The following BACE2 variants were observed in gnomAD, a reference collection of about 807,000 sequenced individuals.
BACE2 encodes the protein beta-secretase 2, also known as 56 kDa aspartic-like protease.
In BACE2, 17 loss-of-function variants were observed where a neutral mutation model predicts 46.2. That is an observed-to-expected ratio of 0.37 (90% CI 0.25 to 0.55). BACE2 has a LOEUF of 0.55. Ranked by LOEUF, BACE2 falls within the 20% of genes least tolerant of loss-of-function variation. The pLI is 0.82. For synonymous variants in BACE2, 277 were observed against 295.9 expected (o/e 0.94, Z 0.66); for missense variants, 595 against 698.1 (o/e 0.85, Z 1.66).
intron 7 of BACE2, among the ~76,000 whole-genome samples, chr21:41,251,518 G>A (rs991317837): frequency 3.3e-5 from 5 of 152,202 alleles, no homozygotes; most frequent in Non-Finnish European, 7.4e-5. Context: ...GAATAAAAGT[G>A]GGCTGGGTGC....
intron 1 of BACE2, among the ~76,000 whole-genome samples, chr21:41,204,206 G>T (rs1476998838): frequency 6.6e-6 from 1 of 152,024 alleles, no homozygotes; most frequent in African/African-American, 2.4e-5. Context: ...TTTTTGTTTT[G>T]TTTTTTGTTT....
intron 8 of BACE2, among the ~76,000 whole-genome samples, chr21:41,275,085 A>G (rs1274022110): frequency 6.6e-6 from 1 of 152,170 alleles, no homozygotes; most frequent in Non-Finnish European, 1.5e-5. Flanking sequence ...CTGGCATTCC[A>G]TGAAGCACAG....
intron 1 of BACE2, among the ~76,000 whole-genome samples, chr21:41,200,202 C>CAA (rs112085931): frequency 5.5e-5 from 8 of 144,196 alleles, no homozygotes; most frequent in African/African-American, 2.0e-4. Context: ...AAAAAAAAAA[C>CAA]AAAAAAAAAA....
intron 2 of BACE2, among the ~76,000 whole-genome samples, chr21:41,234,619 T>G (rs753950593): frequency 3.9e-5 from 6 of 152,238 alleles, no homozygotes; most frequent in Non-Finnish European, 8.8e-5. Flanking sequence ...CATTTCAAGA[T>G]AATTAGTCTT....
intron 1 of BACE2, chr21:41,177,825 G>A (rs1984915060): frequency 6.6e-6 from 1 of 152,270 alleles, no homozygotes; most frequent in Non-Finnish European, 1.5e-5. Context: ...TTGAAGGAAT[G>A]TGCATCCTGT....
intron 1 of BACE2, among the ~76,000 whole-genome samples, chr21:41,198,254 G>A (rs1033152250): frequency 5.3e-5 from 8 of 152,192 alleles, no homozygotes; most frequent in African/African-American, 1.9e-4. Context: ...GCCTCTCAAA[G>A]TGCTGGGATT....
In BACE2 at chr21:41,188,995, C is replaced by G. The variant is rs537758672; in HGVS notation, c.312+20420C>G. ...GAGGCCAGCAGTCTCGCTCCTGTGG[C>G]CAGGCAGCATCTTCTTGTGTCCCTC... On this transcript the variant is annotated intron_variant, in intron 1 of 8. Coordinates refer to ENST00000330333, the MANE Select transcript of BACE2 (RefSeq NM_012105.5). 7.9e-5 allele frequency among the ~76,000 whole-genome samples: 12 copies of G among 152,288 alleles called. No individual in the cohort carries two copies. In the South Asian group the frequency reaches 2.5e-3, roughly 32 times the overall value.
intron 2 of BACE2, among the ~76,000 whole-genome samples, chr21:41,234,454 G>A (rs891463952): frequency 6.6e-6 from 1 of 152,196 alleles, no homozygotes; most frequent in Non-Finnish European, 1.5e-5. Flanking sequence ...AGCTATGCAA[G>A]TTTACTTACA....
At chr21:41,225,652 A>G (rs1467261482) in intron 1 of BACE2, 1 of 152,422 alleles carries the variant, frequency 6.6e-6, no homozygotes, top group Non-Finnish European at 1.5e-5. Context: ...AGGTGAATAG[A>G]AGTTTCTGCA....
At chr21:41,216,816 C>G (rs1986483518) in intron 1 of BACE2, among the ~76,000 whole-genome samples, 2 of 152,234 alleles carry the variant, frequency 1.3e-5, no homozygotes, top group African/African-American at 4.8e-5. Flanking sequence ...ATCTCCTGAG[C>G]TACTGAGTGC....
At chr21:41,214,268 A>G (rs898531049) in intron 1 of BACE2, among the ~76,000 whole-genome samples, 1 of 152,198 alleles carries the variant, frequency 6.6e-6, no homozygotes, top group Non-Finnish European at 1.5e-5. Flanking sequence ...TGCTCAGTGA[A>G]GTGTGGACAG....
intron 1 of BACE2, among the ~76,000 whole-genome samples, chr21:41,201,741 T>G (rs1297916597): frequency 6.6e-6 from 1 of 152,262 alleles, no homozygotes; most frequent in Non-Finnish European, 1.5e-5. Flanking sequence ...GAGGAAATTA[T>G]GTGGTGAAAT....
chr21:41,250,952 C>T (rs1601308987), intron 7 of BACE2, 51 bp downstream of exon 7: 1 of 1,551,640 alleles, frequency 6.4e-7, no homozygotes, highest in Non-Finnish European at 8.8e-7. Context: ...AAAGAGAAAG[C>T]ACTCCATGCA....
intron 8 of BACE2, among the ~76,000 whole-genome samples, chr21:41,265,606 A>G (rs1988047799): frequency 6.6e-6 from 1 of 152,140 alleles, no homozygotes; most frequent in East Asian, 1.9e-4. Flanking sequence ...GTCCTTTTCT[A>G]TGAACTACCC....
rs138376409 is a variant in BACE2 at position 41,231,458 on chromosome 21, G to A, written c.401+5104G>A. ...TAGGAGACTCAGCATTCCCTGGGTC[G>A]AATGGCTTAGGAGAACCAGAGCTGA... On this transcript the variant is annotated intron_variant, in intron 2 of 8. Coordinates refer to ENST00000330333, the MANE Select transcript of BACE2 (RefSeq NM_012105.5). 1.1e-3 allele frequency among the ~76,000 whole-genome samples: 168 copies of A among 152,282 alleles called. 1 individual carries two copies. In the East Asian group the frequency reaches 0.015, roughly 14 times the overall value.
chr21:41,209,915 C>T (rs954055264), intron 1 of BACE2, among the ~76,000 whole-genome samples: 3 of 152,236 alleles, frequency 2.0e-5, no homozygotes, highest in East Asian at 1.9e-4. Context: ...AACCTCTCCC[C>T]GTTGTAGAAA....
intron 8 of BACE2, among the ~76,000 whole-genome samples, chr21:41,274,672 C>T (rs1173422021): frequency 2.0e-5 from 3 of 152,190 alleles, no homozygotes; most frequent in African/African-American, 7.2e-5. Context: ...TAGCAGAAGT[C>T]ACCGGGTGAA....
chr21:41,168,985 C>G (rs1320578285), intron 1 of BACE2, among the ~76,000 whole-genome samples: 1 of 51,312 alleles, frequency 1.9e-5, no homozygotes. Context: ...CATACCCTCC[C>G]TCCCCCCCGC....
chr21:41,279,052 C>T lies in BACE2; in HGVS notation c.*3428C>T, dbSNP rs1430935767. The T allele has an allele frequency of 6.6e-6, 1 of 151,738 alleles. No homozygotes were observed. Among genetic ancestry groups the T allele is most frequent in the Non-Finnish European group, 1.5e-5 (1 of 67,998 alleles). 9.4% of individuals were successfully genotyped at this position (151,738 alleles called of 1,614,324 possible). The stretch of plus-strand genomic sequence containing the variant: ...GTTTTGTTTTTTTTGAAAAACGACG[C>T]AACACCATAAAGTGTAAAATTAGGG... On this transcript the variant is annotated 3_prime_UTR_variant, in exon 9 of 9. Coordinates refer to ENST00000330333, the MANE Select transcript of BACE2 (RefSeq NM_012105.5).
Sources: allele counts gnomAD v4.1 joint callset (sites outside exome capture counted in the v4.1 genomes callset), GRCh38; gene constraint gnomAD v4.1.1; transcripts MANE v1.5; gene names NCBI Gene and HGNC (gene_info 2026-07-23, HGNC 2026-07-21).